KCTD19: variants seen among roughly 807,000 people sequenced by gnomAD.
KCTD19 encodes BTB/POZ domain-containing protein KCTD19.
In KCTD19, 67 loss-of-function variants were observed where a neutral mutation model predicts 103.5. The observed-to-expected ratio is 0.65, with a 90% CI of 0.53 to 0.79. KCTD19 has a LOEUF of 0.79. Among genes scored for constraint, KCTD19 ranks in the 30% least tolerant of loss-of-function variants. KCTD19 has a pLI of 0.00. For missense variants in KCTD19, 980 were observed against 1,136.1 expected (o/e 0.86, Z 1.98); for synonymous variants, 439 against 452.2 (o/e 0.97, Z 0.37).
chr16:67,305,246 A>G (rs1288192841), intron 2 of KCTD19: 2 of 155,428 alleles, frequency 1.3e-5, no homozygotes, highest in African/African-American at 4.8e-5. Flanking sequence ...GTGATTTGCT[A>G]TTGTTTGTGT....
At chr16:67,292,404 AT>A (rs1390921090) in intron 12 of KCTD19, among the ~76,000 whole-genome samples, 1 of 152,160 alleles carries the variant, frequency 6.6e-6, no homozygotes, top group Non-Finnish European at 1.5e-5. Context: ...AATCCTGAAC[AT>A]TTTGGAACTC....
intron 2 of KCTD19, among the ~76,000 whole-genome samples, chr16:67,313,839 A>C (rs897825374): frequency 2.0e-5 from 3 of 149,292 alleles, no homozygotes; most frequent in African/African-American, 7.4e-5. Flanking sequence ...GATTACAGGC[A>C]TGAGCCACTG....
intron 1 of KCTD19, 97 bp downstream of exon 1, chr16:67,326,608 G>A (rs1032741304): frequency 6.7e-7 from 1 of 1,502,528 alleles, no homozygotes; most frequent in African/African-American, 1.4e-5. Context: ...ATGCCCCAGA[G>A]CCAGGTCTCG....
intron 1 of KCTD19, among the ~76,000 whole-genome samples, chr16:67,326,388 A>G (rs1265959760): frequency 6.6e-6 from 1 of 151,514 alleles, no homozygotes; most frequent in Non-Finnish European, 1.5e-5. Flanking sequence ...TCCCCTTCAC[A>G]CACACCCTCG....
Position 67,324,228 on chromosome 16 carries a change from G to A in KCTD19, c.3+2477C>T, listed in dbSNP as rs542795998. 2.0e-5 allele frequency among the ~76,000 whole-genome samples: 3 copies of A among 152,214 alleles called. No homozygotes were observed. The South Asian group carries it at 6.2e-4, about 32-fold the overall frequency. Reference sequence around the variant, plus strand: ...GATGACCTAGTTTATCAATACGATGGAAAAGTAGAGAGCCATCAAACATAC... The same window carrying A: ...GATGACCTAGTTTATCAATACGATGAAAAAGTAGAGAGCCATCAAACATAC... On this transcript the variant is annotated intron_variant, in intron 1 of 15. Coordinates refer to ENST00000304372, the MANE Select transcript of KCTD19 (RefSeq NM_001100915.3).
chr16:67,326,613 G>A, intron 1 of KCTD19, 92 bp downstream of exon 1: 1 of 1,513,970 alleles, frequency 6.6e-7, no homozygotes, highest in Non-Finnish European at 8.8e-7. Flanking sequence ...CCAGAGCCAG[G>A]TCTCGAACCA....
In KCTD19 at chr16:67,301,833, G is replaced by A. The variant is rs574458892; in HGVS notation, c.733C>T (p.Pro245Ser). ...CACCTTACGGCTTCAGTGAGTGCAGGGATTTCCAGAATTTCCACTTCTGCT... is the reference window on the plus strand; with the variant it reads ...CACCTTACGGCTTCAGTGAGTGCAGAGATTTCCAGAATTTCCACTTCTGCT... ...LEAEVEILEI[P>S]ALTEAVRWYR... is the part of the protein sequence containing the mutation. The change falls in exon 5 of 16, where the codon CCT (proline) becomes TCT (serine). Residue 245 changes from proline to serine, a missense_variant. Coordinates refer to ENST00000304372, the MANE Select transcript of KCTD19 (RefSeq NM_001100915.3). The A allele has an allele frequency of 2.5e-6, 4 of 1,613,886 alleles. No homozygotes were observed. The East Asian group carries it at 8.9e-5, about 36-fold the overall frequency.
chr16:67,294,128 C>T lies in KCTD19; in HGVS notation c.1634G>A (p.Arg545Lys), dbSNP rs1390394839. The T allele has an allele frequency of 1.9e-6, 3 of 1,610,512 alleles. No individual in the cohort carries two copies. Among genetic ancestry groups the T allele is most frequent in the African/African-American group, 1.3e-5 (1 of 74,820 alleles). Residue 545 changes from arginine to lysine, a missense_variant, in exon 12 of 16, where the codon AGG becomes AAG. By Grantham distance (26) the Arg-to-Lys change is conservative. Coordinates refer to ENST00000304372, the MANE Select transcript of KCTD19 (RefSeq NM_001100915.3). ...TCCCTTAGCCTTGTTCCATGGAGTCCTGTCACTGCAGTCTTCGAAGTCCAC... is the reference window on the plus strand; with the variant it reads ...TCCCTTAGCCTTGTTCCATGGAGTCTTGTCACTGCAGTCTTCGAAGTCCAC... ...MPVDFEDCSD[R>K]TPWNKAKGNL...
intron 15 of KCTD19, 104 bp downstream of exon 15, chr16:67,290,781 A>G: frequency 9.8e-7 from 1 of 1,022,538 alleles, no homozygotes; most frequent in Non-Finnish European, 1.4e-6. Context: ...CTGCCTGTCT[A>G]GCCTTCTGGG....
At position 67,323,212 on chromosome 16, in the gene KCTD19, A is replaced by C. The variant is rs1239706224; in HGVS notation, c.4-2327T>G. Among the ~76,000 whole-genome samples, 1 of 152,242 alleles carries C rather than the reference A, an allele frequency of 6.6e-6. No individual in the cohort carries two copies. Among genetic ancestry groups the C allele is most frequent in the African/African-American group, 2.4e-5 (1 of 41,472 alleles). ...AATTCCACTCCTAGGTGTACACTTA[A>C]GACAAATAAAGACATATGTCCACAC... On this transcript the variant is annotated intron_variant, in intron 1 of 15. Coordinates refer to ENST00000304372, the MANE Select transcript of KCTD19 (RefSeq NM_001100915.3). This position sits in a 1 kb window ranked among gnomAD's most constrained non-coding sequence, Gnocchi z 4.1.
In KCTD19 at chr16:67,303,108, C is replaced by CGGGGG; in HGVS notation, c.643+37_643+38insCCCCC. 6.3e-6 allele frequency: 5 copies of CGGGGG among 798,074 alleles called. No homozygotes were observed. The highest frequency in any genetic ancestry group is 8.4e-6 in the Non-Finnish European group (4 of 476,658). 49.4% of individuals were successfully genotyped at this position (798,074 alleles called of 1,614,324 possible). A position where few individuals can be genotyped will look rare whatever the true frequency, so the allele number is the denominator to read the frequency against. On this transcript the variant is annotated intron_variant, in intron 4 of 15. Transcript: ENST00000304372. The surrounding 1 kb of genome is among the most constrained non-coding windows in gnomAD (Gnocchi z 4.3). ...ATGGGGAGGGGTGAATGGGCCCTAT[C>CGGGGG]AGCCCGCCCCCCACCCCACCCCGGA...
chr16:67,296,130 G>A, intron 8 of KCTD19, 29 bp downstream of exon 8: 1 of 1,350,826 alleles, frequency 7.4e-7, no homozygotes. Flanking sequence ...ATGCCAGATG[G>A]GGAGCAGGGC....
intron 7 of KCTD19, 112 bp from the exon 8 acceptor site, chr16:67,296,371 C>A: frequency 1.4e-6 from 1 of 720,906 alleles, no homozygotes; most frequent in Non-Finnish European, 2.5e-6. Flanking sequence ...TTTCCTCAGT[C>A]ATATTGTGTT....
intron 2 of KCTD19, among the ~76,000 whole-genome samples, chr16:67,309,244 G>A (rs2036926425): frequency 6.6e-6 from 1 of 152,046 alleles, no homozygotes; most frequent in Non-Finnish European, 1.5e-5. Flanking sequence ...AGCGAACAGA[G>A]AAGTAGACTG....
intron 2 of KCTD19, among the ~76,000 whole-genome samples, chr16:67,308,947 A>G (rs138698512): frequency 2.5e-4 from 38 of 152,222 alleles, no homozygotes; most frequent in African/African-American, 9.1e-4. Context: ...AGCCTGGCCA[A>G]CATGGCAAAA....
rs566093922 is a variant in KCTD19 at position 67,321,101 on chromosome 16, A to C, written c.4-216T>G. Among the ~76,000 whole-genome samples, 3 of 152,264 alleles carry C rather than the reference A, an allele frequency of 2.0e-5. No homozygotes were observed. The East Asian group carries it at 5.8e-4, about 29-fold the overall frequency. On this transcript the variant is annotated intron_variant, in intron 1 of 15. Transcript: ENST00000304372. Reference sequence around the variant, plus strand: ...AGCACTTTGGGAGCCTGAGGTGGGAAGGTGGCTTGAGACCAGGAGTTTGAG... The same window carrying C: ...AGCACTTTGGGAGCCTGAGGTGGGACGGTGGCTTGAGACCAGGAGTTTGAG...
chr16:67,319,368 A>G (rs893362989), intron 2 of KCTD19, among the ~76,000 whole-genome samples: 1 of 152,180 alleles, frequency 6.6e-6, no homozygotes, highest in African/African-American at 2.4e-5. Flanking sequence ...CGCATGATCT[A>G]TCTCAATTTT....
rs2036734842 is a variant in KCTD19, at chr16:67,294,068, T to C, written c.1694A>G (p.Glu565Gly). 1 of 1,614,102 alleles carries C rather than the reference T, an allele frequency of 6.2e-7. No individual in the cohort carries two copies. The highest frequency in any genetic ancestry group is 8.5e-7 in the Non-Finnish European group (1 of 1,180,046). The change falls in exon 12 of 16, where the codon GAG (glutamate) becomes GGG (glycine). Residue 565 changes from glutamate (E) to glycine (G), a missense_variant. Coordinates refer to ENST00000304372, the MANE Select transcript of KCTD19 (RefSeq NM_001100915.3). ...LVRSNQMDEA[E>G]QYTRPIQVSL... ...CACCTGGATGGGCCGAGTGTACTGC[T>C]CAGCCTCATCCATCTGGTTGGACCT... is the stretch of plus-strand genomic sequence containing the variant.
chr16:67,289,710 G>A, intron 15 of KCTD19, 28 bp from the exon 16 acceptor site: 2 of 1,535,956 alleles, frequency 1.3e-6, no homozygotes. Context: ...TCTTATCCCT[G>A]ATTTCCTGGC....
Sources: allele counts gnomAD v4.1 joint callset (sites outside exome capture counted in the v4.1 genomes callset), GRCh38; gene constraint gnomAD v4.1.1; non-coding constraint Gnocchi (gnomAD v3.1); transcripts MANE v1.5; gene names NCBI Gene and HGNC (gene_info 2026-07-23, HGNC 2026-07-21).